TULP4: variants seen among roughly 807,000 people sequenced by gnomAD.
TULP4 encodes TUB like protein 4.
TULP4 carries 16 observed loss-of-function variants against 129.0 expected under a neutral mutation model. That is an observed-to-expected ratio of 0.12 (90% CI 0.08 to 0.19). The LOEUF is 0.19. Ranked by LOEUF, TULP4 falls within the 10% of genes least tolerant of loss-of-function variation. The pLI, the probability that TULP4 is intolerant of heterozygous loss-of-function variation, is 1.00. For missense variants in TULP4, 1,842 were observed against 2,059.1 expected (o/e 0.89, Z 2.04); for synonymous variants, 998 against 854.0 (o/e 1.17, Z -2.94).
intron 1 of TULP4, among the ~76,000 whole-genome samples, chr6:158,341,676 T>C (rs1780183887): frequency 2.0e-5 from 3 of 152,356 alleles, no homozygotes; most frequent in Admixed American, 6.5e-5. Flanking sequence ...TTGGGCATTT[T>C]TTTTTCATAT....
At chr6:158,299,354 A>G (rs1205603449) in intron 1 of TULP4, among the ~76,000 whole-genome samples, 1 of 152,172 alleles carries the variant, frequency 6.6e-6, no homozygotes, top group Admixed American at 6.5e-5. Context: ...TTTTAATACT[A>G]CTGCATGTGA....
chr6:158,236,795 C>CTTTTTTTTTTCTTTTTTTTTTTTT (rs1777713435), intron 1 of TULP4, among the ~76,000 whole-genome samples: 1 of 63,292 alleles, frequency 1.6e-5, no homozygotes, highest in Non-Finnish European at 3.1e-5. Context: ...CAATTCTTTT[C>CTTTTTTTTTTCTTTTTTTTTTTTT]TTTTTTTTTT....
chr6:158,392,378 C>G (rs1777603061), intron 1 of TULP4, among the ~76,000 whole-genome samples: 1 of 152,164 alleles, frequency 6.6e-6, no homozygotes, highest in South Asian at 2.1e-4. Context: ...CAAACCACAT[C>G]ATGAAGTAAC....
At chr6:158,381,571 C>T (rs1212208807) in intron 1 of TULP4, among the ~76,000 whole-genome samples, 3 of 152,136 alleles carry the variant, frequency 2.0e-5, no homozygotes, top group Non-Finnish European at 4.4e-5. Flanking sequence ...ACCCATATTC[C>T]AGTCATAGGG....
chr6:158,268,035 C>CTTTTTTTT (rs773811376), intron 1 of TULP4, among the ~76,000 whole-genome samples: 27 of 72,744 alleles, frequency 3.7e-4, no homozygotes, highest in South Asian at 8.9e-4. Flanking sequence ...TTTCTTTTTT[C>CTTTTTTTT]TTTTTTTTTT....
intron 1 of TULP4, among the ~76,000 whole-genome samples, chr6:158,318,812 G>A (rs1327183671): frequency 1.3e-5 from 2 of 151,784 alleles, no homozygotes; most frequent in Non-Finnish European, 2.9e-5. Flanking sequence ...CGTAGCCTCT[G>A]CCTCCTGGGT....
chr6:158,254,301 C>T (rs909423616), intron 1 of TULP4, among the ~76,000 whole-genome samples: 1 of 147,304 alleles, frequency 6.8e-6, no homozygotes, highest in Non-Finnish European at 1.5e-5. Context: ...CGCCACCATG[C>T]CTGGCTAATT....
chr6:158,433,977 G>A (rs189935412), intron 3 of TULP4, among the ~76,000 whole-genome samples: 1 of 152,298 alleles, frequency 6.6e-6, no homozygotes, highest in East Asian at 1.9e-4. Context: ...CAAGATCAAG[G>A]TGTTGGCAGG....
chr6:158,490,138 C>G (rs1054190292), intron 9 of TULP4, among the ~76,000 whole-genome samples: 3 of 152,236 alleles, frequency 2.0e-5, no homozygotes, highest in Admixed American at 2.0e-4. Flanking sequence ...TGGCTCACGC[C>G]TGTAATCCCA....
At chr6:158,314,575 TA>T (rs1186205346) in intron 1 of TULP4, among the ~76,000 whole-genome samples, 2 of 152,184 alleles carry the variant, frequency 1.3e-5, no homozygotes, top group South Asian at 4.1e-4. Flanking sequence ...GGGCGCTTTC[TA>T]ACCAGGGTGG....
chr6:158,362,605 C>T (rs900407282), intron 1 of TULP4, among the ~76,000 whole-genome samples: 2 of 152,202 alleles, frequency 1.3e-5, no homozygotes, highest in African/African-American at 4.8e-5. Context: ...CTGCATTGGA[C>T]TCCCAAAGTG....
intron 1 of TULP4, among the ~76,000 whole-genome samples, chr6:158,328,123 TGTGTGCGTGC>T (rs57739778): frequency 0.13 from 10,798 of 84,918 alleles, 659 homozygotes; most frequent in South Asian, 0.2. Flanking sequence ...TGTGTGTGTG[TGTGTGCGTGC>T]GTGCTGGGAA....
intron 13 of TULP4, among the ~76,000 whole-genome samples, chr6:158,504,717 CT>C (rs1486739880): frequency 6.6e-6 from 1 of 151,848 alleles, no homozygotes; most frequent in Admixed American, 6.6e-5. Flanking sequence ...TCTCAAACTC[CT>C]GGGTTCCAAG....
At chr6:158,336,868 T>C (rs572812327) in intron 1 of TULP4, among the ~76,000 whole-genome samples, 1 of 152,256 alleles carries the variant, frequency 6.6e-6, no homozygotes, top group East Asian at 1.9e-4. Flanking sequence ...TTCTTGCCTG[T>C]TAAACGGGTC....
intron 6 of TULP4, among the ~76,000 whole-genome samples, chr6:158,476,273 G>A (rs763631797): frequency 6.6e-6 from 1 of 152,140 alleles, no homozygotes; most frequent in Admixed American, 6.5e-5. Context: ...AATGAGTGCT[G>A]CACCCTAATT....
intron 1 of TULP4, among the ~76,000 whole-genome samples, chr6:158,324,259 T>A (rs1265722248): frequency 6.6e-6 from 1 of 152,180 alleles, no homozygotes; most frequent in Non-Finnish European, 1.5e-5. Flanking sequence ...ATTTAAAAAA[T>A]ATTCTTACAT....
At chr6:158,355,889 A>G (rs930713528) in intron 1 of TULP4, among the ~76,000 whole-genome samples, 5 of 152,256 alleles carry the variant, frequency 3.3e-5, no homozygotes, top group Non-Finnish European at 7.3e-5. Flanking sequence ...AAGAAGCTGG[A>G]CATGGGTGAC....
intron 3 of TULP4, among the ~76,000 whole-genome samples, chr6:158,443,991 G>C (rs1349708048): frequency 6.6e-6 from 1 of 151,968 alleles, no homozygotes; most frequent in Non-Finnish European, 1.5e-5. Context: ...GGGCCAGGGT[G>C]GGCGGATCAC....
intron 1 of TULP4, among the ~76,000 whole-genome samples, chr6:158,320,678 C>A (rs572247147): frequency 6.6e-6 from 1 of 152,152 alleles, no homozygotes; most frequent in Non-Finnish European, 1.5e-5. Context: ...GTGATCCACC[C>A]GCCTCAGCCT....
Sources: gnomAD v4.1 joint callset for allele counts (sites outside exome capture counted in the v4.1 genomes callset) on GRCh38, gnomAD v4.1.1 for gene constraint, MANE v1.5 for transcripts, NCBI Gene and HGNC (gene_info 2026-07-23, HGNC 2026-07-21) for gene names.